The following MBNL1 variants were observed in gnomAD, a reference collection of about 807,000 sequenced individuals.
MBNL1 encodes the protein muscleblind like splicing regulator 1.
In MBNL1, 8 loss-of-function variants were observed where a neutral mutation model predicts 42.2. That is an observed-to-expected ratio of 0.19 (90% confidence interval 0.11 to 0.34). The LOEUF (loss-of-function observed/expected upper bound fraction) is 0.34. MBNL1 is among the 10% of genes least tolerant of loss of function. The pLI, the probability that MBNL1 is intolerant of heterozygous loss-of-function variation, is 1.00. For missense variants in MBNL1, 309 were observed against 495.3 expected (o/e 0.62, Z 3.57); for synonymous variants, 169 against 173.9 (o/e 0.97, Z 0.22).
intron 3 of MBNL1, among the ~76,000 whole-genome samples, chr3:152,427,729 A>G (rs1306813897): frequency 2.6e-5 from 4 of 151,334 alleles, no homozygotes; most frequent in Admixed American, 2.6e-4. Context: ...AAATTTTTTT[A>G]TATTAAAAAC....
intron 2 of MBNL1, among the ~76,000 whole-genome samples, chr3:152,336,747 G>A (rs1335368963): frequency 1.3e-5 from 2 of 152,148 alleles, no homozygotes; most frequent in Non-Finnish European, 2.9e-5. Context: ...GTGTCACTTA[G>A]AATATATATT....
intron 5 of MBNL1, among the ~76,000 whole-genome samples, chr3:152,446,376 G>A (rs1273665999): frequency 2.0e-5 from 3 of 151,746 alleles, no homozygotes; most frequent in African/African-American, 2.4e-5. Context: ...CTGTGTTTAT[G>A]GATACTTGAG....
At chr3:152,402,815 A>G (rs955560041) in intron 2 of MBNL1, among the ~76,000 whole-genome samples, 1 of 152,186 alleles carries the variant, frequency 6.6e-6, no homozygotes, top group African/African-American at 2.4e-5. Flanking sequence ...AGAATATCCT[A>G]TATTCTGAAA....
intron 2 of MBNL1, among the ~76,000 whole-genome samples, chr3:152,407,655 T>TC (rs2098466222): frequency 1.3e-5 from 2 of 152,142 alleles, no homozygotes; most frequent in Admixed American, 1.3e-4. Flanking sequence ...GGTTAAAGAG[T>TC]CATGAATATT....
chr3:152,456,758 G>A (rs1580852872), intron 8 of MBNL1, among the ~76,000 whole-genome samples: 1 of 132,386 alleles, frequency 7.6e-6, no homozygotes, highest in Admixed American at 7.6e-5. Context: ...TTGCCTAAAT[G>A]ATTAATAGAA....
At chr3:152,429,966 G>A (rs945304506) in intron 3 of MBNL1, among the ~76,000 whole-genome samples, 7 of 152,130 alleles carry the variant, frequency 4.6e-5, no homozygotes, top group African/African-American at 9.7e-5. Flanking sequence ...ATTTTTAAAC[G>A]CTCCTACCGA....
chr3:152,405,854 A>G (rs1465740020), intron 2 of MBNL1, among the ~76,000 whole-genome samples: 1 of 152,174 alleles, frequency 6.6e-6, no homozygotes, highest in Non-Finnish European at 1.5e-5. Flanking sequence ...GCTTTTAACT[A>G]TTAGCCAAGA....
intron 1 of MBNL1, among the ~76,000 whole-genome samples, chr3:152,282,672 ATTAT>A (rs1171945802): frequency 2.0e-5 from 3 of 152,190 alleles, no homozygotes; most frequent in Non-Finnish European, 4.4e-5. Flanking sequence ...TTAAAAAAAA[ATTAT>A]TTATAGATGC....
chr3:152,318,914 A>G (rs2074241703), intron 2 of MBNL1, among the ~76,000 whole-genome samples: 1 of 152,198 alleles, frequency 6.6e-6, no homozygotes, highest in Non-Finnish European at 1.5e-5. Context: ...TGATTATTCA[A>G]TATCATGTTA....
chr3:152,401,490 A>T (rs2098215861), intron 2 of MBNL1, among the ~76,000 whole-genome samples: 4 of 152,158 alleles, frequency 2.6e-5, no homozygotes, highest in South Asian at 4.1e-4. Flanking sequence ...GTTGATTCTT[A>T]CTTTGGCCTG....
chr3:152,374,626 A>G (rs2096822226), intron 2 of MBNL1, among the ~76,000 whole-genome samples: 1 of 152,248 alleles, frequency 6.6e-6, no homozygotes, highest in South Asian at 2.1e-4. Flanking sequence ...AATACCAGGA[A>G]AGTGAAATTG....
intron 9 of MBNL1, among the ~76,000 whole-genome samples, chr3:152,461,199 C>T (rs750211119): frequency 1.3e-5 from 2 of 152,122 alleles, no homozygotes; most frequent in Admixed American, 6.5e-5. Context: ...GGAGAACAGG[C>T]AGAATTCAAT....
At chr3:152,274,708 A>C (rs1252401125) in intron 1 of MBNL1, among the ~76,000 whole-genome samples, 1 of 152,110 alleles carries the variant, frequency 6.6e-6, no homozygotes, top group Non-Finnish European at 1.5e-5. Context: ...ATATGTTTTA[A>C]TTCATTTATT....
At chr3:152,430,597 A>G (rs536413816) in intron 3 of MBNL1, among the ~76,000 whole-genome samples, 67 of 152,322 alleles carry the variant, frequency 4.4e-4, no homozygotes, top group Admixed American at 8.5e-4. Context: ...ACAAAGTACA[A>G]GTTTAACCTG....
At chr3:152,346,359 C>G (rs528251786) in intron 2 of MBNL1, among the ~76,000 whole-genome samples, 1 of 152,090 alleles carries the variant, frequency 6.6e-6, no homozygotes, top group Non-Finnish European at 1.5e-5. Flanking sequence ...TTTAAATCAT[C>G]GTTTATTTAT....
intron 1 of MBNL1, among the ~76,000 whole-genome samples, chr3:152,275,088 A>G (rs1369104644): frequency 2.6e-5 from 4 of 152,230 alleles, no homozygotes; most frequent in African/African-American, 9.6e-5. Context: ...AAAGTGACAC[A>G]TTAGCATTTT....
Position 152,338,068 on chromosome 3 carries a change from A to G in MBNL1, c.174+37701A>G, listed in dbSNP as rs979445671. 2.0e-5 allele frequency: 19 copies of G among 939,412 alleles called. No individual in the cohort carries two copies. In the African/African-American group the frequency reaches 2.8e-4, roughly 14 times the overall value. 58.2% of individuals were successfully genotyped at this position (939,412 alleles called of 1,614,324 possible). ...TATGTCACTTATTAGATTTTTAACC[A>G]TAAATGCCGTAGGCATGCTATAATA... On this transcript the variant is annotated intron_variant, in intron 2 of 9. Coordinates refer to ENST00000324210, the MANE Select transcript of MBNL1 (RefSeq NM_021038.5).
chr3:152,413,476 A>G (rs919259276), intron 2 of MBNL1, among the ~76,000 whole-genome samples: 2 of 152,194 alleles, frequency 1.3e-5, no homozygotes, highest in South Asian at 4.1e-4. Flanking sequence ...TCTGCTATCC[A>G]CTGTCCCCTG....
chr3:152,313,026 C>CT (rs5853576), intron 2 of MBNL1, among the ~76,000 whole-genome samples: 57,266 of 146,622 alleles, frequency 0.39, 11,245 homozygotes, highest in East Asian at 0.55. Context: ...CAAGTGAAAA[C>CT]TTTTTTTTTT....
Sources: allele counts gnomAD v4.1 joint callset (sites outside exome capture counted in the v4.1 genomes callset), GRCh38; gene constraint gnomAD v4.1.1; transcripts MANE v1.5; gene names NCBI Gene and HGNC (gene_info 2026-07-23, HGNC 2026-07-21).